Variants in ADGRL2 observed in about 807,000 individuals in gnomAD.
ADGRL2 encodes the protein adhesion G protein-coupled receptor L2.
A neutral mutation model predicts 157.4 loss-of-function variants in ADGRL2; 44 were observed. The observed-to-expected ratio is 0.28, with a 90% confidence interval of 0.22 to 0.36. The LOEUF (loss-of-function observed/expected upper bound fraction) is 0.36. Among genes scored for constraint, ADGRL2 ranks in the 10% least tolerant of loss-of-function variants. The pLI, the probability that ADGRL2 is intolerant of heterozygous loss-of-function variation, is 1.00. For synonymous variants in ADGRL2, 585 were observed against 624.7 expected, an observed-to-expected ratio of 0.94 and a Z score of 0.95; for missense variants, 1,510 against 1,768.9, an observed-to-expected ratio of 0.85 and a Z score of 2.63.
At chr1:81,832,378 C>T (rs1009824516) in intron 1 of ADGRL2, among the ~76,000 whole-genome samples, 1 of 152,058 alleles carries the variant, frequency 6.6e-6, no homozygotes, top group African/African-American at 2.4e-5. Context: ...CTCCTGACCT[C>T]GTGATCCACC....
chr1:81,708,111 T>C (rs1168476473), intron 1 of ADGRL2, among the ~76,000 whole-genome samples: 1 of 152,188 alleles, frequency 6.6e-6, no homozygotes, highest in African/African-American at 2.4e-5. Flanking sequence ...TGTGCATATA[T>C]TTGTGTACAT....
intron 1 of ADGRL2, chr1:81,427,619 C>G: frequency 1.5e-6 from 1 of 648,378 alleles, no homozygotes; most frequent in Non-Finnish European, 2.8e-6. Flanking sequence ...TTGAAAACAG[C>G]AGAAAAGGGC....
chr1:81,335,836 A>T (rs1190416958), intron 1 of ADGRL2, among the ~76,000 whole-genome samples: 2 of 58,888 alleles, frequency 3.4e-5, no homozygotes, highest in Non-Finnish European at 7.2e-5. Flanking sequence ...ATAGTGTTTA[A>T]AAAAAAAAAA....
chr1:81,427,305 G>A (rs535432594), intron 1 of ADGRL2: 41 of 724,362 alleles, frequency 5.7e-5, no homozygotes, highest in South Asian at 5.5e-4. Flanking sequence ...GGCGATGGTG[G>A]CAACTATGAC....
At chr1:81,636,739 C>T (rs1177607736) in intron 3 of ADGRL2, among the ~76,000 whole-genome samples, 1 of 152,122 alleles carries the variant, frequency 6.6e-6, no homozygotes, top group Non-Finnish European at 1.5e-5. Flanking sequence ...CTCCTTAGAG[C>T]CTTTAGTAAA....
At chr1:81,737,891 C>A (rs1291499880) in intron 1 of ADGRL2, among the ~76,000 whole-genome samples, 1 of 152,144 alleles carries the variant, frequency 6.6e-6, no homozygotes, top group Non-Finnish European at 1.5e-5. Flanking sequence ...CCAGATTCTA[C>A]AAGACAGCCA....
intron 5 of ADGRL2, 111 bp from the exon 6 acceptor site, chr1:81,942,858 T>A (rs1453243882): frequency 1.2e-6 from 1 of 815,334 alleles, no homozygotes; most frequent in Admixed American, 2.0e-5. Context: ...TTTGGTAAAA[T>A]TGAATGCTAA....
chr1:81,448,574 C>A (rs1418194029), intron 2 of ADGRL2, among the ~76,000 whole-genome samples: 3 of 152,064 alleles, frequency 2.0e-5, no homozygotes, highest in Admixed American at 2.0e-4. Flanking sequence ...TGGTGGCCTA[C>A]CCCTATAACC....
At chr1:81,574,390 A>G (rs2080756189) in intron 2 of ADGRL2, among the ~76,000 whole-genome samples, 1 of 152,178 alleles carries the variant, frequency 6.6e-6, no homozygotes, top group Admixed American at 6.6e-5. Flanking sequence ...CCCAGCCTCT[A>G]GTGTAAAAGG....
intron 3 of ADGRL2, among the ~76,000 whole-genome samples, 157 bp from the exon 4 acceptor site, chr1:81,936,571 T>C (rs1011878084): frequency 6.6e-6 from 1 of 151,938 alleles, no homozygotes; most frequent in Non-Finnish European, 1.5e-5. Flanking sequence ...AAAACTCTTA[T>C]AAAATATTTA....
intron 2 of ADGRL2, among the ~76,000 whole-genome samples, chr1:81,571,298 T>C (rs1432329594): frequency 2.0e-5 from 3 of 150,556 alleles, no homozygotes; most frequent in African/African-American, 2.4e-5. Context: ...GCATGTAGCC[T>C]GGGTGACAGA....
intron 1 of ADGRL2, among the ~76,000 whole-genome samples, chr1:81,317,876 A>AT (rs1660221744): frequency 6.6e-6 from 1 of 152,168 alleles, no homozygotes; most frequent in South Asian, 2.1e-4. Context: ...GAAACATGGC[A>AT]TGATTGTGTG....
At chr1:81,391,110 C>T (rs1170358604) in intron 1 of ADGRL2, among the ~76,000 whole-genome samples, 1 of 152,304 alleles carries the variant, frequency 6.6e-6, no homozygotes, top group South Asian at 2.1e-4. Flanking sequence ...GTGTAACAGG[C>T]AATCAAGTTT....
chr1:81,809,585 A>C (rs1382091281), intron 1 of ADGRL2, among the ~76,000 whole-genome samples: 1 of 151,972 alleles, frequency 6.6e-6, no homozygotes, highest in Non-Finnish European at 1.5e-5. Context: ...AATAAGAAAA[A>C]TCTTCAGCCA....
intron 2 of ADGRL2, among the ~76,000 whole-genome samples, chr1:81,891,732 G>C (rs899372368): frequency 5.3e-5 from 8 of 151,852 alleles, no homozygotes; most frequent in Non-Finnish European, 1.0e-4. Flanking sequence ...CCACTACACG[G>C]CTTTTCAATA....
chr1:81,754,529 CTCTT>C (rs1035002355), intron 1 of ADGRL2, among the ~76,000 whole-genome samples: 10 of 131,302 alleles, frequency 7.6e-5, no homozygotes, highest in Non-Finnish European at 9.7e-5. Context: ...CTCCCTCTTT[CTCTT>C]TCTTTCTTTC....
At chr1:81,970,008 T>TTA (rs1241598400) in intron 15 of ADGRL2, among the ~76,000 whole-genome samples, 4 of 68,466 alleles carry the variant, frequency 5.8e-5, no homozygotes, top group Admixed American at 1.7e-4. Flanking sequence ...AACAGATAAT[T>TTA]CACAAATTAT....
chr1:81,588,520 A>T (rs2081070573), intron 3 of ADGRL2: 1 of 152,186 alleles, frequency 6.6e-6, no homozygotes, highest in Non-Finnish European at 1.5e-5. Context: ...TAACATAATC[A>T]TCATCTACCC....
At chr1:81,649,471 C>T (rs994018321) in intron 3 of ADGRL2, among the ~76,000 whole-genome samples, 1 of 152,168 alleles carries the variant, frequency 6.6e-6, no homozygotes, top group African/African-American at 2.4e-5. Flanking sequence ...CCCTAGGCTT[C>T]TTGGGCACTA....
Sources: allele counts gnomAD v4.1 joint callset (sites outside exome capture counted in the v4.1 genomes callset), GRCh38; gene constraint gnomAD v4.1.1; transcripts MANE v1.5; gene names NCBI Gene and HGNC (gene_info 2026-07-23, HGNC 2026-07-21).